NUP210L: variants seen among roughly 807,000 people sequenced by gnomAD.
NUP210L encodes the protein nucleoporin 210 like, also known as nuclear pore membrane glycoprotein 210-like.
In NUP210L, 74 loss-of-function variants were observed where a neutral mutation model predicts 208.5. The ratio of observed to expected loss-of-function variants is 0.35; its 90% CI spans 0.29 to 0.43. The LOEUF (loss-of-function observed/expected upper bound fraction) is 0.43. Among genes scored for constraint, NUP210L ranks in the 20% least tolerant of loss-of-function variants. The probability of loss-of-function intolerance (pLI) is 1.00; values close to 1 mark genes in which losing one functional copy is unlikely to be tolerated. For missense variants in NUP210L, 1,843 were observed against 2,289.4 expected, an observed-to-expected ratio of 0.81 and a Z score of 3.98; for synonymous variants, 780 against 816.9, an observed-to-expected ratio of 0.95 and a Z score of 0.77.
At chr1:154,140,582 G>A (rs113725961) in intron 4 of NUP210L, among the ~76,000 whole-genome samples, 12 of 145,630 alleles carry the variant, frequency 8.2e-5, no homozygotes, top group East Asian at 2.1e-4. Flanking sequence ...CAGGAGAATC[G>A]CTTGAACCCA....
intron 20 of NUP210L, among the ~76,000 whole-genome samples, chr1:154,060,225 C>T (rs980021109): frequency 5.9e-5 from 9 of 151,984 alleles, no homozygotes; most frequent in African/African-American, 2.2e-4. Context: ...GGCAACAGAG[C>T]GAGACTCTAT....
At chr1:154,144,129 C>G (rs909612934) in intron 2 of NUP210L, among the ~76,000 whole-genome samples, 2 of 151,766 alleles carry the variant, frequency 1.3e-5, no homozygotes, top group African/African-American at 4.8e-5. Context: ...TGTAGGGAGT[C>G]GAGATCACGC....
chr1:154,100,441 C>G (rs901181239), intron 13 of NUP210L, among the ~76,000 whole-genome samples: 5 of 146,894 alleles, frequency 3.4e-5, no homozygotes, highest in African/African-American at 1.3e-4. Flanking sequence ...AGAGTAAGAC[C>G]TTACCTAAAA....
intron 12 of NUP210L, among the ~76,000 whole-genome samples, chr1:154,109,962 G>A (rs1176888690): frequency 6.6e-6 from 1 of 151,422 alleles, no homozygotes; most frequent in Non-Finnish European, 1.5e-5. Context: ...GGCCAGGTGC[G>A]GTGGCTCACA....
At chr1:153,994,583 A>G (rs1401812159) in intron 38 of NUP210L, among the ~76,000 whole-genome samples, 2 of 150,064 alleles carry the variant, frequency 1.3e-5, no homozygotes, top group Non-Finnish European at 3.0e-5. Context: ...AAGTGCTGGG[A>G]TTACAGGCAT....
At chr1:154,003,029 GAGAC>G (rs1161699911) in intron 35 of NUP210L, among the ~76,000 whole-genome samples, 1 of 142,548 alleles carries the variant, frequency 7.0e-6, no homozygotes, top group East Asian at 2.1e-4. Flanking sequence ...TTTTTTTAAA[GAGAC>G]AGAATTTCAC....
At chr1:154,058,061 G>A (rs571431109) in intron 22 of NUP210L, 28 bp downstream of exon 22, 1 of 1,612,904 alleles carries the variant, frequency 6.2e-7, no homozygotes, top group Non-Finnish European at 8.5e-7. Context: ...TATGCAGAGT[G>A]GGAAGGAAGT....
chr1:154,118,912 A>C (rs1657469915), intron 10 of NUP210L, 104 bp from the exon 11 acceptor site: 1 of 564,512 alleles, frequency 1.8e-6, no homozygotes, highest in Admixed American at 2.8e-5. Flanking sequence ...CTCATAAATT[A>C]CTCAACCAGT....
chr1:154,054,344 C>T (rs746145392), exon 25 of NUP210L: 21 of 1,614,030 alleles, frequency 1.3e-5, no homozygotes, highest in East Asian at 6.7e-5. Flanking sequence ...ACAACAGCCA[C>T]GGTCTGATTA....
chr1:154,013,787 C>T (rs187709668), intron 33 of NUP210L, among the ~76,000 whole-genome samples: 2 of 152,144 alleles, frequency 1.3e-5, no homozygotes, highest in African/African-American at 4.8e-5. Flanking sequence ...TGTTTTGAGA[C>T]GGAGTCTTGC....
intron 13 of NUP210L, among the ~76,000 whole-genome samples, chr1:154,102,020 A>G (rs1029960237): frequency 6.6e-5 from 10 of 152,074 alleles, no homozygotes; most frequent in African/African-American, 2.4e-4. Context: ...GTGTAGTGGC[A>G]CGTGCATGTA....
intron 14 of NUP210L, among the ~76,000 whole-genome samples, chr1:154,098,132 G>C (rs1656265566): frequency 6.6e-6 from 1 of 152,216 alleles, no homozygotes; most frequent in African/African-American, 2.4e-5. Flanking sequence ...GCCAGCATGG[G>C]CACTGGCTCT....
intron 15 of NUP210L, among the ~76,000 whole-genome samples, chr1:154,093,246 T>G (rs542287588): frequency 6.6e-6 from 1 of 151,978 alleles, no homozygotes; most frequent in African/African-American, 2.4e-5. Context: ...CTGACCAACA[T>G]GAAGAAACCC....
intron 25 of NUP210L, among the ~76,000 whole-genome samples, chr1:154,053,436 C>A (rs866197751): frequency 2.0e-5 from 3 of 152,314 alleles, no homozygotes; most frequent in Middle Eastern, 3.4e-3. Flanking sequence ...GGAACAGGCC[C>A]CCAAATCTGG....
chr1:154,001,031 G>A (rs368220590), exon 37 of NUP210L: 31 of 1,613,940 alleles, frequency 1.9e-5, no homozygotes, highest in African/African-American at 2.7e-5. Flanking sequence ...TATGGCCAGC[G>A]ACCACTAGAA....
intron 22 of NUP210L, 54 bp from the exon 23 acceptor site, chr1:154,057,001 C>T: frequency 6.3e-7 from 1 of 1,585,014 alleles, no homozygotes; most frequent in Non-Finnish European, 8.6e-7. Context: ...TGTTTCAAGA[C>T]AGGGTCTTAC....
chr1:154,053,379 G>T (rs781326767), intron 25 of NUP210L, among the ~76,000 whole-genome samples: 1 of 152,184 alleles, frequency 6.6e-6, no homozygotes, highest in Non-Finnish European at 1.5e-5. Flanking sequence ...TGATAAAGCC[G>T]CCTTTGCTTT....
At chr1:154,098,083 G>T (rs1180658328) in intron 14 of NUP210L, among the ~76,000 whole-genome samples, 1 of 152,218 alleles carries the variant, frequency 6.6e-6, no homozygotes, top group African/African-American at 2.4e-5. Flanking sequence ...ACTGCAGTCA[G>T]GCACACCAGT....
Position 154,047,807 on chromosome 1 carries a change from C to T in NUP210L, c.3484-1438G>A, listed in dbSNP as rs1315749823. 5.3e-5 allele frequency among the ~76,000 whole-genome samples: 8 copies of T among 152,260 alleles called. No individual in the cohort carries two copies. The East Asian group carries it at 1.2e-3, about 22-fold the overall frequency. ...TTCTGTGTGTGTGTCTTTAATTCCT[C>T]TAGTGCCACTGGGTTAGGGTCTCCA... On this transcript the variant is annotated intron_variant, in intron 25 of 39. Coordinates refer to ENST00000368559, the Ensembl canonical transcript of NUP210L.
Sources: gnomAD v4.1 joint callset for allele counts (sites outside exome capture counted in the v4.1 genomes callset) on GRCh38, gnomAD v4.1.1 for gene constraint, MANE v1.5 for transcripts, NCBI Gene and HGNC (gene_info 2026-07-23, HGNC 2026-07-21) for gene names.